Variants in DTD1 observed in about 807,000 individuals in gnomAD.
DTD1 encodes the protein D-aminoacyl-tRNA deacylase 1.
In DTD1, 13 loss-of-function variants were observed where a neutral mutation model predicts 25.6. The ratio of observed to expected loss-of-function variants is 0.51; its 90% CI spans 0.33 to 0.81. The LOEUF (loss-of-function observed/expected upper bound fraction) is 0.81, where lower values mean the gene tolerates loss of function less well. Ranked by LOEUF, DTD1 falls within the 30% of genes least tolerant of loss-of-function variation. The pLI, the probability that DTD1 is intolerant of heterozygous loss-of-function variation, is 0.02. For synonymous variants in DTD1, 110 were observed against 103.6 expected (o/e 1.06, Z -0.37); for missense variants, 193 against 266.4 (o/e 0.72, Z 1.92).
intron 4 of DTD1, among the ~76,000 whole-genome samples, chr20:18,637,071 G>C (rs2060810311): frequency 6.6e-6 from 1 of 152,210 alleles, no homozygotes; most frequent in African/African-American, 2.4e-5. Context: ...CTGGAATAGA[G>C]AGAATCAGGC....
chr20:18,608,182 C>G (rs1013575885), intron 3 of DTD1, among the ~76,000 whole-genome samples: 3 of 151,854 alleles, frequency 2.0e-5, no homozygotes, highest in Non-Finnish European at 4.4e-5. Context: ...ATCCCCTTAC[C>G]CTCTTTTTAA....
chr20:18,650,926 C>G (rs2122354156), intron 4 of DTD1, among the ~76,000 whole-genome samples: 1 of 152,298 alleles, frequency 6.6e-6, no homozygotes, highest in East Asian at 1.9e-4. Flanking sequence ...ACAGAGGGTA[C>G]TGGCCTTCCT....
intron 4 of DTD1, chr20:18,631,128 G>A: frequency 1.0e-6 from 1 of 985,450 alleles, no homozygotes; most frequent in Non-Finnish European, 1.2e-6. Flanking sequence ...GCCAGCAGAT[G>A]GCATTGACTC....
intron 5 of DTD1, among the ~76,000 whole-genome samples, chr20:18,750,480 A>C (rs2061317778): frequency 6.6e-6 from 1 of 152,184 alleles, no homozygotes; most frequent in South Asian, 2.1e-4. Context: ...TTTCCAAGGC[A>C]CGAGAGAGAA....
chr20:18,625,463 C>G (rs781495204), intron 3 of DTD1, among the ~76,000 whole-genome samples: 13 of 152,226 alleles, frequency 8.5e-5, no homozygotes, highest in Non-Finnish European at 1.9e-4. Flanking sequence ...TTCACTGGCA[C>G]TGGCCCAGCC....
At chr20:18,626,037 G>A (rs1056482546) in intron 3 of DTD1, among the ~76,000 whole-genome samples, 1 of 152,190 alleles carries the variant, frequency 6.6e-6, no homozygotes, top group Non-Finnish European at 1.5e-5. Context: ...TTTTCTTTCA[G>A]AGTATACTTT....
At position 18,597,171 on chromosome 20, in the gene DTD1, G is replaced by A. The variant is rs955268632; in HGVS notation, c.370+930G>A. 9.9e-5 allele frequency among the ~76,000 whole-genome samples: 11 copies of A among 111,436 alleles called. No homozygotes were observed. In the East Asian group the frequency reaches 3.0e-3, roughly 31 times the overall value. 73.1% of individuals were successfully genotyped at this position (111,436 alleles called of 152,430 possible). On this transcript the variant is annotated intron_variant, in intron 3 of 5. Coordinates refer to ENST00000377452, the MANE Select transcript of DTD1 (RefSeq NM_080820.6). ...TGAGAGAAAGTGTGTGTGTGTGTGT[G>A]TGTGTGTGTGTGTGTGTGTGTGTGT...
Position 18,737,742 on chromosome 20 carries a change from G to A in DTD1, c.478-6358G>A, listed in dbSNP as rs114457990. ...TTACTGGTTGAGTTAAACTGTTGCC[G>A]GTAATTGTATTTGATCCTCTGGCTT... On this transcript the variant is annotated intron_variant, in intron 4 of 5. Coordinates refer to ENST00000377452, the MANE Select transcript of DTD1 (RefSeq NM_080820.6). 3.3e-3 allele frequency among the ~76,000 whole-genome samples: 510 copies of A among 152,308 alleles called. 3 individuals are homozygous for A. The highest frequency in any genetic ancestry group is 8.7e-3 in the African/African-American group (361 of 41,566).
Position 18,691,186 on chromosome 20 carries a change from T to C in DTD1, c.478-52914T>C, listed in dbSNP as rs545879748. ...TGGGAATGTAAATTAGTACAGCCAC[T>C]GTGGAAAGCAGTTTGGAGATTTCTC... On this transcript the variant is annotated intron_variant, in intron 4 of 5. Coordinates refer to ENST00000377452, the MANE Select transcript of DTD1 (RefSeq NM_080820.6). 1.9e-4 allele frequency among the ~76,000 whole-genome samples: 29 copies of C among 152,378 alleles called. No homozygotes were observed. The South Asian group carries it at 5.6e-3, about 29-fold the overall frequency.
At chr20:18,671,033 A>G (rs2060949935) in intron 4 of DTD1, among the ~76,000 whole-genome samples, 1 of 152,162 alleles carries the variant, frequency 6.6e-6, no homozygotes, top group Non-Finnish European at 1.5e-5. Context: ...TGCCTTGTCA[A>G]TCCTCAGTCA....
rs1047999251 is a variant in DTD1 at position 18,753,976 on chromosome 20, G to GT, written c.*20-9378dup. On this transcript the variant is annotated intron_variant, in intron 5 of 5. Coordinates refer to ENST00000377452, the MANE Select transcript of DTD1 (RefSeq NM_080820.6). ...TTGATAACTTCCCAGCATCTCTCAT[G>GT]TTTTTTGCATAGAACAGCCTTACCT... 3.9e-5 allele frequency among the ~76,000 whole-genome samples: 6 copies of GT among 152,066 alleles called. No individual in the cohort carries two copies. The East Asian group carries it at 1.2e-3, about 29-fold the overall frequency.
chr20:18,757,822 A>T (rs2061345418), intron 5 of DTD1, among the ~76,000 whole-genome samples: 1 of 152,078 alleles, frequency 6.6e-6, no homozygotes, highest in Admixed American at 6.6e-5. Context: ...TTTTCTATTG[A>T]TTGGAATAGT....
In DTD1 at chr20:18,631,979, C is replaced by A. The variant is rs74684095; in HGVS notation, c.477+3746C>A. On this transcript the variant is annotated intron_variant, in intron 4 of 5. Coordinates refer to ENST00000377452, the MANE Select transcript of DTD1 (RefSeq NM_080820.6). ...AGTAAGTCTCAAGATCTAATGTACA[C>A]CATAAGGAGTGCAGTATCATATTGT... 3.6e-5 allele frequency: 32 copies of A among 887,862 alleles called. No homozygotes were observed. The East Asian group carries it at 3.4e-3, about 93-fold the overall frequency. The allele number at this position is 887,862 out of a possible 1,614,324, so 55.0% of individuals were successfully genotyped here.
At chr20:18,590,860 C>A (rs2060586714) in intron 1 of DTD1, among the ~76,000 whole-genome samples, 1 of 152,190 alleles carries the variant, frequency 6.6e-6, no homozygotes, top group Admixed American at 6.5e-5. Context: ...AACATATTAA[C>A]AGACGGAATA....
intron 4 of DTD1, among the ~76,000 whole-genome samples, chr20:18,736,956 G>T (rs753987758): frequency 6.6e-6 from 1 of 152,164 alleles, no homozygotes; most frequent in Non-Finnish European, 1.5e-5. Context: ...CTAATGGGTG[G>T]CTCGGGCTCC....
intron 4 of DTD1, among the ~76,000 whole-genome samples, chr20:18,641,060 C>T (rs6136450): frequency 0.51 from 77,161 of 151,988 alleles, 19,961 homozygotes; most frequent in Middle Eastern, 0.57. Context: ...AATTTGACCA[C>T]TCTGAGTATC....
chr20:18,737,677 C>T (rs2061261607), intron 4 of DTD1, among the ~76,000 whole-genome samples: 1 of 152,242 alleles, frequency 6.6e-6, no homozygotes, highest in Non-Finnish European at 1.5e-5. Context: ...AGGCTTGTGT[C>T]ACTTCTGAGG....
chr20:18,622,677 T>A (rs1490871451), intron 3 of DTD1, among the ~76,000 whole-genome samples: 4 of 152,196 alleles, frequency 2.6e-5, no homozygotes, highest in Non-Finnish European at 5.9e-5. Context: ...TTAAAAAAAA[T>A]TCCTGTCTAA....
chr20:18,678,592 C>A (rs1263730000), intron 4 of DTD1, among the ~76,000 whole-genome samples: 1 of 152,140 alleles, frequency 6.6e-6, no homozygotes, highest in Non-Finnish European at 1.5e-5. Flanking sequence ...ATCAGAAATA[C>A]ACTTTTAGGA....
Sources: allele counts gnomAD v4.1 joint callset (sites outside exome capture counted in the v4.1 genomes callset), GRCh38; gene constraint gnomAD v4.1.1; transcripts MANE v1.5; gene names NCBI Gene and HGNC (gene_info 2026-07-23, HGNC 2026-07-21).